Variants in TACC2 observed in about 807,000 individuals in gnomAD.
TACC2 encodes the protein transforming acidic coiled-coil-containing protein 2.
A neutral mutation model predicts 227.3 loss-of-function variants in TACC2; 137 were observed. The observed-to-expected ratio is 0.60, with a 90% CI of 0.52 to 0.69. TACC2 has a LOEUF of 0.69. Among genes scored for constraint, TACC2 ranks in the 30% least tolerant of loss-of-function variants. The pLI is 0.00. For synonymous variants in TACC2, 1,523 were observed against 1,487.5 expected, an observed-to-expected ratio of 1.02 and a Z score of -0.55; for missense variants, 3,470 against 3,694.4, an observed-to-expected ratio of 0.94 and a Z score of 1.57.
chr10:122,005,362 GTGT>G (rs1954941518), intron 1 of TACC2, among the ~76,000 whole-genome samples: 1 of 146,936 alleles, frequency 6.8e-6, no homozygotes, highest in Non-Finnish European at 1.5e-5. Flanking sequence ...GGGATTACAG[GTGT>G]GAGCCACCAC....
At chr10:121,991,902 G>A (rs917185206) in intron 1 of TACC2, among the ~76,000 whole-genome samples, 4 of 152,170 alleles carry the variant, frequency 2.6e-5, no homozygotes, top group African/African-American at 9.7e-5. Flanking sequence ...GGAGGAGCAA[G>A]TCACATCTTA....
In TACC2 at chr10:122,086,004, CG is replaced by C; in HGVS notation, c.3508del (p.Glu1170ArgfsTer84). 12 of 1,613,894 alleles carry C rather than the reference CG, an allele frequency of 7.4e-6. No individual in the cohort carries two copies. Among genetic ancestry groups the C allele is most frequent in the Non-Finnish European group, 1.0e-5 (12 of 1,179,994 alleles). ...TTCAGACTGAGCACTGCCTTACCTC[CG>C]GGGAGGAAGCTTCTACCTCTGCCCT... The part of the protein sequence containing the change: ...LLQTEHCLTS[G>X]EEASTSALRE... On this transcript the variant is annotated frameshift_variant, in exon 4 of 23. Transcript: ENST00000369005. LOFTEE classifies it high-confidence loss of function.
intron 1 of TACC2, among the ~76,000 whole-genome samples, chr10:122,021,396 G>A (rs1957329825): frequency 6.6e-6 from 1 of 152,130 alleles, no homozygotes; most frequent in Non-Finnish European, 1.5e-5. Context: ...GATAAAAAGT[G>A]TGTGCAGAAG....
chr10:122,251,287 A>T (rs562571841), intron 22 of TACC2, among the ~76,000 whole-genome samples: 82 of 152,180 alleles, frequency 5.4e-4, no homozygotes, highest in Non-Finnish European at 1.0e-3. Context: ...TCAAAATTGC[A>T]TTAGAAAATA....
chr10:122,222,416 C>T (rs1216825049), intron 11 of TACC2, among the ~76,000 whole-genome samples: 1 of 152,208 alleles, frequency 6.6e-6, no homozygotes, highest in East Asian at 1.9e-4. Context: ...TGTTCTGAAG[C>T]AGCATCTCCA....
At chr10:122,182,156 C>T (rs1027712116) in intron 7 of TACC2, among the ~76,000 whole-genome samples, 8 of 152,230 alleles carry the variant, frequency 5.3e-5, no homozygotes, top group Non-Finnish European at 1.0e-4. Flanking sequence ...AGGGAAAGAA[C>T]TCTGGAGAGT....
At chr10:122,126,258 T>C (rs1375820209) in intron 5 of TACC2, among the ~76,000 whole-genome samples, 2 of 152,014 alleles carry the variant, frequency 1.3e-5, no homozygotes, top group Non-Finnish European at 2.9e-5. Flanking sequence ...CATGACTTTA[T>C]TTAGGTCTAA....
intron 3 of TACC2, among the ~76,000 whole-genome samples, chr10:122,062,922 G>C (rs1229371864): frequency 6.6e-6 from 1 of 152,146 alleles, no homozygotes; most frequent in Non-Finnish European, 1.5e-5. Context: ...GGCTGTAGAT[G>C]ACCCAAGGGG....
chr10:121,997,805 T>G (rs1021996824), intron 1 of TACC2, among the ~76,000 whole-genome samples: 1 of 152,158 alleles, frequency 6.6e-6, no homozygotes, highest in Non-Finnish European at 1.5e-5. Flanking sequence ...AATACAATTA[T>G]GTACCCTTGG....
chr10:122,237,965 T>A lies in TACC2; in HGVS notation c.8276T>A (p.Ile2759Lys). The A allele has an allele frequency of 6.2e-7, 1 of 1,613,554 alleles. No homozygotes were observed. Among genetic ancestry groups the A allele is most frequent in the Non-Finnish European group, 8.5e-7 (1 of 1,179,572 alleles). ...SALQIARAEIITKEREVSEWK... is the reference protein window; with the variant it reads ...SALQIARAEIKTKEREVSEWK... ...TCTTCTTCTCTCTGAAACTAGATCA[T>A]AACCAAGGAGAGAGAGGTCTCAGAA... is the stretch of plus-strand genomic sequence containing the variant. Residue 2759 changes from isoleucine (I) to lysine (K), a missense_variant, in exon 18 of 23, where the codon ATA becomes AAA. Ile to Lys is a moderately radical substitution (Grantham distance 102). Around this residue, in one of 10 missense-constraint regions of TACC2, gnomAD observed 345 missense variants for 354.4 expected, o/e 0.97. Coordinates refer to ENST00000369005, the MANE Select transcript of TACC2 (RefSeq NM_206862.4).
chr10:122,088,851 T>A, intron 5 of TACC2: 1 of 1,154,588 alleles, frequency 8.7e-7, no homozygotes, highest in Non-Finnish European at 1.2e-6. Flanking sequence ...CTGGGTGCGG[T>A]GGCTCATGCC....
At chr10:122,124,558 CA>C (rs2086461707) in intron 5 of TACC2, among the ~76,000 whole-genome samples, 2 of 152,230 alleles carry the variant, frequency 1.3e-5, no homozygotes, top group Non-Finnish European at 2.9e-5. Flanking sequence ...GCCCCAGCCC[CA>C]AGTGTCCAGC....
chr10:121,990,667 G>C (rs1952990839), intron 1 of TACC2, among the ~76,000 whole-genome samples: 2 of 152,018 alleles, frequency 1.3e-5, no homozygotes, highest in Non-Finnish European at 2.9e-5. Flanking sequence ...TCAACTACCA[G>C]GCCGTCACTG....
chr10:122,046,367 G>A (rs563595793), intron 2 of TACC2, among the ~76,000 whole-genome samples: 193 of 152,058 alleles, frequency 1.3e-3, no homozygotes, highest in African/African-American at 4.2e-3. Context: ...CCAGCTGCTC[G>A]GGAGGCTGAG....
intron 3 of TACC2, among the ~76,000 whole-genome samples, chr10:122,080,930 T>C (rs145883077): frequency 1.4e-3 from 206 of 152,330 alleles, no homozygotes; most frequent in Non-Finnish European, 2.6e-3. Context: ...TCCTTTGATA[T>C]TTCCCCTATA....
At chr10:122,094,044 G>A (rs1457375252) in intron 5 of TACC2, among the ~76,000 whole-genome samples, 3 of 152,124 alleles carry the variant, frequency 2.0e-5, no homozygotes, top group Non-Finnish European at 2.9e-5. Flanking sequence ...CCCACAAGGA[G>A]CTCCTTATGT....
Position 122,084,239 on chromosome 10 carries a change from A to G in TACC2, c.1739A>G (p.Glu580Gly). The G allele has an allele frequency of 6.2e-7, 1 of 1,614,090 alleles. No homozygotes were observed. Among genetic ancestry groups the G allele is most frequent in the Non-Finnish European group, 8.5e-7 (1 of 1,180,042 alleles). Residue 580 changes from glutamate to glycine, a missense_variant, in exon 4 of 23, where the codon GAG becomes GGG. Physicochemically the swap from Glu to Gly is moderately conservative, Grantham distance 98. Around this residue, in one of 10 missense-constraint regions of TACC2, gnomAD observed 1,924 missense variants for 1,978.3 expected, o/e 0.97. Transcript: ENST00000369005. ...CCTGGTGACAGCCCTGGAGGAAAGG[A>G]GGAAGCCCCAGAGCCACCTGATGGT... is the stretch of plus-strand genomic sequence containing the variant. Reference protein sequence around the residue: ...RSPGDSPGGKEEAPEPPDGGD... With the variant: ...RSPGDSPGGKGEAPEPPDGGD...
At chr10:122,056,237 C>G (rs192069438) in intron 3 of TACC2, among the ~76,000 whole-genome samples, 1 of 152,150 alleles carries the variant, frequency 6.6e-6, no homozygotes, top group African/African-American at 2.4e-5. Context: ...TGTAATGGTG[C>G]GATCTCAGCT....
At chr10:122,095,166 C>T (rs927334574) in intron 5 of TACC2, among the ~76,000 whole-genome samples, 4 of 152,152 alleles carry the variant, frequency 2.6e-5, no homozygotes, top group Non-Finnish European at 5.9e-5. Context: ...AACTGGGGAC[C>T]CTCCTTAGGA....
Sources: allele counts gnomAD v4.1 joint callset (sites outside exome capture counted in the v4.1 genomes callset), GRCh38; gene constraint gnomAD v4.1.1; regional missense constraint gnomAD v4.1.1; transcripts MANE v1.5; gene names NCBI Gene and HGNC (gene_info 2026-07-23, HGNC 2026-07-21).